APOA2: variants seen among roughly 807,000 people sequenced by gnomAD.
APOA2 encodes the protein apolipoprotein A2.
APOA2 carries 3 observed loss-of-function variants against 7.4 expected under a neutral mutation model. The ratio of observed to expected loss-of-function variants is 0.41; its 90% confidence interval spans 0.18 to 1.05. The LOEUF (loss-of-function observed/expected upper bound fraction) is 1.05. Ranked by LOEUF, APOA2 falls within the 50% of genes least tolerant of loss-of-function variation. The pLI is 0.33. For synonymous variants in APOA2, 42 were observed against 47.8 expected (o/e 0.88, Z 0.50); for missense variants, 90 against 116.3 (o/e 0.77, Z 1.04).
rs773412538 is a variant in APOA2 at position 161,223,058 on chromosome 1, CACACA to C, written c.53-13_53-9del. The C allele has an allele frequency of 1.7e-4, 17 of 102,970 alleles. No homozygotes were observed. The highest frequency in any genetic ancestry group is 6.3e-3 in the East Asian group (1 of 158). 6.4% of individuals were successfully genotyped at this position (102,970 alleles called of 1,614,324 possible). ...GTCTCCGAACCAAAGCTCCTGCCCA[CACACA>C]CACACACACACACACACACACACAC... On this transcript the variant is annotated splice_polypyrimidine_tract_variant and intron_variant, in intron 2 of 3. Transcript: ENST00000367990.
chr1:161,223,182 A>C (rs1205548248), intron 2 of APOA2, 132 bp from the exon 3 acceptor site: 4 of 1,562,492 alleles, frequency 2.6e-6, no homozygotes, highest in Non-Finnish European at 3.5e-6. Context: ...CCCTCCCCAA[A>C]AAGGTATCCA....
At chr1:161,223,236 A>ATCT in intron 2 of APOA2, 114 bp downstream of exon 2, 1 of 1,560,666 alleles carries the variant, frequency 6.4e-7, no homozygotes, top group Non-Finnish European at 8.7e-7. Context: ...AGAGGGAATG[A>ATCT]TCTTCCTTTT....
chr1:161,223,055 CCA>C lies in APOA2; in HGVS notation c.53-7_53-6del, dbSNP rs17244502. ...CCTGTCTCCGAACCAAAGCTCCTGC[CCA>C]CACACACACACACACACACACACAC... On this transcript the variant is annotated splice_region_variant and splice_polypyrimidine_tract_variant and intron_variant, in intron 2 of 3. Coordinates refer to ENST00000367990, the MANE Select transcript of APOA2 (RefSeq NM_001643.2). The C allele has an allele frequency of 0.046, 70,209 of 1,529,804 alleles. 230 individuals are homozygous for C. The highest frequency in any genetic ancestry group is 0.097 in the African/African-American group (6,946 of 71,864). 94.8% of individuals were successfully genotyped at this position (1,529,804 alleles called of 1,614,324 possible). A position where few individuals can be genotyped will look rare whatever the true frequency, so the allele number is the denominator to read the frequency against.
At position 161,222,453 on chromosome 1, in the gene APOA2, G is replaced by A. The variant is rs1407171752; in HGVS notation, c.255C>T (p.Asn85=). The change falls in exon 4 of 4, where the codon AAC becomes AAT. Residue 85 remains asparagine (N), a synonymous_variant. Coordinates refer to ENST00000367990, the MANE Select transcript of APOA2 (RefSeq NM_001643.2). The stretch of plus-strand genomic sequence containing the variant: ...CAAGTTCCACGAAATAGCTCAAGAA[G>A]TTAACCAGTTCCGTTCCAGCCTTCT... ...LIKKAGTELV[N]FLSYFVELGT... 5.0e-6 allele frequency: 8 copies of A among 1,614,102 alleles called. No homozygotes were observed. Among genetic ancestry groups the A allele is most frequent in the Non-Finnish European group, 5.1e-6 (6 of 1,180,050 alleles).
At position 161,223,576 on chromosome 1, in the gene APOA2, T is replaced by A. The variant is rs530188791; in HGVS notation, c.-25+19A>T. ...GGCCTCTTTGGATGCTGCTCACACATCTTGCCTCCTTATCTTACCTAGCCA... is the reference window on the plus strand; with the variant it reads ...GGCCTCTTTGGATGCTGCTCACACAACTTGCCTCCTTATCTTACCTAGCCA... On this transcript the variant is annotated intron_variant, in intron 1 of 3. Transcript: ENST00000367990. 37 of 675,328 alleles carry A rather than the reference T, an allele frequency of 5.5e-5. No homozygotes were observed. Among genetic ancestry groups the A allele is most frequent in the Admixed American group, 1.6e-4 (7 of 44,686 alleles). The allele number at this position is 675,328 out of a possible 1,614,324, so 41.8% of individuals were successfully genotyped here. A position where few individuals can be genotyped will look rare whatever the true frequency, so the allele number is the denominator to read the frequency against.
intron 1 of APOA2, 81 bp downstream of exon 1, chr1:161,223,514 C>T: frequency 9.3e-7 from 1 of 1,075,558 alleles, no homozygotes; most frequent in South Asian, 1.3e-5. Flanking sequence ...GCTGCCCATT[C>T]CAACCTGGCT....
chr1:161,222,664 T>C lies in APOA2; in HGVS notation c.186-142A>G, dbSNP rs890897229. The C allele has an allele frequency of 3.2e-6, 3 of 936,800 alleles. No homozygotes were observed. The African/African-American group carries it at 4.9e-5, about 15-fold the overall frequency. The allele number at this position is 936,800 out of a possible 1,614,324, so 58.0% of individuals were successfully genotyped here. A position where few individuals can be genotyped will look rare whatever the true frequency, so the allele number is the denominator to read the frequency against. On this transcript the variant is annotated intron_variant, in intron 3 of 3. Transcript: ENST00000367990. ...TCCATCGCATGGCAAAGCCCCTAGG[T>C]AGGAATAGAGTCAAGACCTTTGCTA...
chr1:161,223,172 C>A, intron 2 of APOA2, 122 bp from the exon 3 acceptor site: 1 of 1,569,820 alleles, frequency 6.4e-7, no homozygotes, highest in East Asian at 2.3e-5. Context: ...GCTCTCTGCC[C>A]CCTCCCCAAA....
chr1:161,223,287 A>C (rs1415163475), intron 2 of APOA2, 63 bp downstream of exon 2: 1 of 1,601,282 alleles, frequency 6.2e-7, no homozygotes, highest in Admixed American at 1.7e-5. Flanking sequence ...GAGCACAGGC[A>C]GATAGGTAGC....
chr1:161,222,775 G>A (rs141980418), intron 3 of APOA2, 143 bp downstream of exon 3: 10 of 1,241,910 alleles, frequency 8.1e-6, no homozygotes, highest in Middle Eastern at 2.6e-4. Flanking sequence ...GGATCTTTGG[G>A]TGATGAAATA....
Position 161,222,392 on chromosome 1 carries a change from T to C in APOA2, c.*13A>G, listed in dbSNP as rs771665149. On this transcript the variant is annotated 3_prime_UTR_variant, in exon 4 of 4. Coordinates refer to ENST00000367990, the MANE Select transcript of APOA2 (RefSeq NM_001643.2). The stretch of plus-strand genomic sequence containing the variant: ...GAGGCCAGCTGGGGTTGGAAGACAA[T>C]GGTCTGGACACTTCACTGGGTGGCA... 5 of 1,610,184 alleles carry C rather than the reference T, an allele frequency of 3.1e-6. No individual in the cohort carries two copies. Among genetic ancestry groups the C allele is most frequent in the East Asian group, 2.2e-5 (1 of 44,854 alleles).
chr1:161,223,178 C>G (rs112477348), intron 2 of APOA2, 128 bp from the exon 3 acceptor site: 4 of 1,565,614 alleles, frequency 2.6e-6, no homozygotes, highest in Non-Finnish European at 3.5e-6. Context: ...TGCCCCCTCC[C>G]CAAAAAGGTA....
At position 161,222,332 on chromosome 1, in the gene APOA2, G is replaced by A. The variant is rs1404201629; in HGVS notation, c.*73C>T. The A allele has an allele frequency of 2.7e-6, 3 of 1,101,478 alleles. No homozygotes were observed. The highest frequency in any genetic ancestry group is 2.5e-5 in the South Asian group (2 of 78,472). The allele number at this position is 1,101,478 out of a possible 1,614,324, so 68.2% of individuals were successfully genotyped here. On this transcript the variant is annotated 3_prime_UTR_variant, in exon 4 of 4. Transcript: ENST00000367990. Reference sequence around the variant, plus strand: ...TTTATTGTAGCAAAGAGTGGGTAGGGACAGGAGCTCTAGGACTGGCCAGTG... The same window carrying A: ...TTTATTGTAGCAAAGAGTGGGTAGGAACAGGAGCTCTAGGACTGGCCAGTG...
rs1336837779 is a variant in APOA2, at chr1:161,223,344, AC to A, written c.52+5del. The stretch of plus-strand genomic sequence containing the variant: ...CCTTTTGGCCCCCTCTCCATATCAC[AC>A]CCACCTTCAAGGCTGCAGATGGTGA... On this transcript the variant is annotated splice_donor_5th_base_variant and intron_variant, in intron 2 of 3. Coordinates refer to ENST00000367990, the MANE Select transcript of APOA2 (RefSeq NM_001643.2). 1 of 1,613,654 alleles carries A rather than the reference AC, an allele frequency of 6.2e-7. No homozygotes were observed. The highest frequency in any genetic ancestry group is 8.5e-7 in the Non-Finnish European group (1 of 1,179,900).
At chr1:161,222,851 A>C in intron 3 of APOA2, 67 bp downstream of exon 3, 84 of 1,584,786 alleles carry the variant, frequency 5.3e-5, no homozygotes, top group African/African-American at 8.1e-5. Flanking sequence ...CTTCTGTGGG[A>C]CCTCTCATCT....
At chr1:161,223,159 C>T in intron 2 of APOA2, 109 bp from the exon 3 acceptor site, 1 of 1,582,908 alleles carries the variant, frequency 6.3e-7, no homozygotes, top group African/African-American at 1.3e-5. Context: ...AGTACCCACC[C>T]CAGCTCTCTG....
At chr1:161,223,116 C>A (rs1293438046) in intron 2 of APOA2, 66 bp from the exon 3 acceptor site, 9 of 1,605,180 alleles carry the variant, frequency 5.6e-6, no homozygotes, top group Non-Finnish European at 7.6e-6. Context: ...GGGTCCACAG[C>A]AGTGAATCCT....
At chr1:161,222,617 G>T in intron 3 of APOA2, 95 bp from the exon 4 acceptor site, 1 of 1,157,270 alleles carries the variant, frequency 8.6e-7, no homozygotes, top group Non-Finnish European at 1.3e-6. Context: ...ACTGACTCAG[G>T]TCCCCAAACT....
rs1666194673 is a variant in APOA2, at chr1:161,222,946, T to A, written c.157A>T (p.Lys53Ter). 1 of 1,614,076 alleles carries A rather than the reference T, an allele frequency of 6.2e-7. No homozygotes were observed. Among genetic ancestry groups the A allele is most frequent in the African/African-American group, 1.3e-5 (1 of 74,908 alleles). ...DYGKDLMEKV[K>*]SPELQAEAKS... is the part of the protein sequence containing the mutation. ...GCCTCGGCCTGAAGCTCTGGGCTCT[T>A]GACCTTCTCCATCAGGTCCTTGCCA... The change falls in exon 3 of 4, where the codon AAG (lysine) becomes TAG (stop). Residue 53 changes from lysine to a stop codon, truncating the protein, a stop_gained. Transcript: ENST00000367990. LOFTEE classifies it low-confidence loss of function (END_TRUNC).
Sources: gnomAD v4.1 joint callset for allele counts on GRCh38, gnomAD v4.1.1 for gene constraint, MANE v1.5 for transcripts, NCBI Gene and HGNC (gene_info 2026-07-23, HGNC 2026-07-21) for gene names.